PRELID2: variants seen among roughly 807,000 people sequenced by gnomAD.
The protein encoded by PRELID2 is PRELI domain-containing protein 2.
A neutral mutation model predicts 28.4 loss-of-function variants in PRELID2; 25 were observed. The observed-to-expected ratio is 0.88, with a 90% CI of 0.64 to 1.23. PRELID2 has a LOEUF of 1.23. PRELID2 is among the 50% of genes most tolerant of loss of function. The pLI is 0.00. For missense variants in PRELID2, 201 were observed against 214.4 expected, an observed-to-expected ratio of 0.94 and a Z score of 0.39; for synonymous variants, 76 against 71.6, an observed-to-expected ratio of 1.06 and a Z score of -0.31.
At chr5:145,522,416 CGAGA>C (rs796348009) in intron 1 of PRELID2, among the ~76,000 whole-genome samples, 4 of 149,692 alleles carry the variant, frequency 2.7e-5, no homozygotes, top group African/African-American at 4.9e-5. Flanking sequence ...CACACACACA[CGAGA>C]GAGAGAGAGA....
the PRELID2 span, among the ~76,000 whole-genome samples, chr5:145,383,044 T>A: frequency 1.3e-5 from 2 of 151,756 alleles, no homozygotes; most frequent in East Asian, 1.9e-4. Flanking sequence ...TGTTAAGATA[T>A]CATTTCCTCC....
At chr5:145,730,569 G>C (rs1756310229) in intron 1 of PRELID2, among the ~76,000 whole-genome samples, 1 of 152,184 alleles carries the variant, frequency 6.6e-6, no homozygotes, top group Admixed American at 6.5e-5. Context: ...TTTGTTACCT[G>C]TGAGTGAGCC....
intron 1 of PRELID2, among the ~76,000 whole-genome samples, chr5:145,824,986 G>A (rs1308497458): frequency 3.9e-5 from 6 of 152,020 alleles, no homozygotes. Flanking sequence ...AGCACTTTGG[G>A]AGGCTGAGGC....
At chr5:145,570,870 TGAAATTAAAGTCCATACAGAAACCAA>T (rs1211718495) in intron 1 of PRELID2, among the ~76,000 whole-genome samples, 2 of 152,178 alleles carry the variant, frequency 1.3e-5, no homozygotes, top group Non-Finnish European at 2.9e-5. Context: ...TTATTGAGAA[TGAAATTAAAGTCCATACAGAAACCAA>T]GACATTACAT....
the PRELID2 span, among the ~76,000 whole-genome samples, chr5:145,421,175 G>T: frequency 6.6e-6 from 1 of 151,564 alleles, no homozygotes; most frequent in Non-Finnish European, 1.5e-5. Context: ...GTTCATCAAG[G>T]ATATTGGTCT....
At chr5:145,319,840 G>A in the PRELID2 span, among the ~76,000 whole-genome samples, 2 of 152,096 alleles carry the variant, frequency 1.3e-5, no homozygotes, top group Admixed American at 6.5e-5. Flanking sequence ...CAGAGTCCAG[G>A]TGTCAGAATA....
chr5:145,593,689 A>C (rs143264887), intron 1 of PRELID2, among the ~76,000 whole-genome samples: 1 of 152,192 alleles, frequency 6.6e-6, no homozygotes. Context: ...GTCATCAAAC[A>C]GTTCAACAAC....
At chr5:145,728,641 A>T in intron 1 of PRELID2, 2 of 1,323,592 alleles carry the variant, frequency 1.5e-6, no homozygotes, top group Non-Finnish European at 2.2e-6. Flanking sequence ...TAACGAACAT[A>T]ACCAATATTT....
the PRELID2 span, among the ~76,000 whole-genome samples, chr5:145,244,902 T>A: frequency 6.6e-6 from 1 of 152,074 alleles, no homozygotes. Flanking sequence ...TCCTCAGGAT[T>A]TACTCCACAT....
chr5:145,405,706 T>C, the PRELID2 span, among the ~76,000 whole-genome samples: 2 of 144,850 alleles, frequency 1.4e-5, no homozygotes, highest in Admixed American at 6.9e-5. Flanking sequence ...ATAGTTGTTT[T>C]TTTTTTTTTT....
chr5:145,411,604 C>T, the PRELID2 span, among the ~76,000 whole-genome samples: 2 of 152,168 alleles, frequency 1.3e-5, no homozygotes, highest in African/African-American at 4.8e-5. Flanking sequence ...GCAGCTTTTC[C>T]AGGCACACAG....
At chr5:145,267,658 C>A in the PRELID2 span, among the ~76,000 whole-genome samples, 3 of 152,100 alleles carry the variant, frequency 2.0e-5, no homozygotes, top group Admixed American at 2.0e-4. Context: ...GATTTCATTT[C>A]TTTTAGGTAT....
At chr5:145,431,316 A>G in the PRELID2 span, among the ~76,000 whole-genome samples, 1 of 152,150 alleles carries the variant, frequency 6.6e-6, no homozygotes, top group Non-Finnish European at 1.5e-5. Flanking sequence ...ATTAAAAGAT[A>G]TAGTAATGGG....
chr5:145,812,896 C>T (rs1754049717), intron 4 of PRELID2, among the ~76,000 whole-genome samples: 1 of 152,202 alleles, frequency 6.6e-6, no homozygotes, highest in South Asian at 2.1e-4. Context: ...CATATTAGAG[C>T]TATCCAGTTG....
intron 1 of PRELID2, among the ~76,000 whole-genome samples, chr5:145,575,154 A>T (rs755887097): frequency 3.3e-5 from 5 of 152,154 alleles, no homozygotes; most frequent in Non-Finnish European, 7.3e-5. Flanking sequence ...GCTCAGGGCA[A>T]ACGCTTCTTC....
At chr5:145,329,219 A>G in the PRELID2 span, among the ~76,000 whole-genome samples, 1 of 152,172 alleles carries the variant, frequency 6.6e-6, no homozygotes, top group African/African-American at 2.4e-5. Context: ...CGATGCCTCC[A>G]GCTTTGTTCT....
intron 1 of PRELID2, among the ~76,000 whole-genome samples, chr5:145,488,743 T>C (rs1377104451): frequency 6.6e-6 from 1 of 152,178 alleles, no homozygotes; most frequent in African/African-American, 2.4e-5. Context: ...TACTAGGTAG[T>C]AATAGTTTTT....
At chr5:145,554,523 G>T (rs1210614346) in intron 1 of PRELID2, among the ~76,000 whole-genome samples, 3 of 152,142 alleles carry the variant, frequency 2.0e-5, no homozygotes, top group African/African-American at 4.8e-5. Context: ...TGAGGACCTG[G>T]ACCAGGTTGA....
intron 1 of PRELID2, among the ~76,000 whole-genome samples, chr5:145,829,037 G>C (rs1179761921): frequency 1.3e-5 from 2 of 151,430 alleles, no homozygotes; most frequent in Non-Finnish European, 2.9e-5. Context: ...GTGTCTGTGT[G>C]GTTTGGGGTT....
Sources: gnomAD v4.1 joint callset for allele counts (sites outside exome capture counted in the v4.1 genomes callset) on GRCh38, gnomAD v4.1.1 for gene constraint, MANE v1.5 for transcripts, NCBI Gene and HGNC (gene_info 2026-07-23, HGNC 2026-07-21) for gene names.